The following ASIC2 variants were observed in gnomAD, a reference collection of about 807,000 sequenced individuals.
ASIC2 encodes acid sensing ion channel subunit 2.
ASIC2 carries 25 observed loss-of-function variants against 57.3 expected under a neutral mutation model. The ratio of observed to expected loss-of-function variants is 0.44; its 90% CI spans 0.32 to 0.61. The LOEUF (loss-of-function observed/expected upper bound fraction) is 0.61, where lower values mean the gene tolerates loss of function less well. Among genes scored for constraint, ASIC2 ranks in the 20% least tolerant of loss-of-function variants. The pLI is 0.06. For synonymous variants in ASIC2, 319 were observed against 307.5 expected (o/e 1.04, Z -0.39); for missense variants, 641 against 738.1 (o/e 0.87, Z 1.52).
chr17:33,336,066 T>G (rs1164186683), intron 1 of ASIC2, among the ~76,000 whole-genome samples: 1 of 152,100 alleles, frequency 6.6e-6, no homozygotes, highest in Non-Finnish European at 1.5e-5. Context: ...AGAAGTGGTC[T>G]TGGAGAGTCA....
intron 1 of ASIC2, among the ~76,000 whole-genome samples, chr17:33,238,886 C>G (rs750312281): frequency 6.6e-6 from 1 of 152,180 alleles, no homozygotes; most frequent in East Asian, 1.9e-4. Context: ...TGCCTGTAAT[C>G]TTAGCTACTC....
At chr17:33,954,697 C>A (rs189990376) in intron 1 of ASIC2, among the ~76,000 whole-genome samples, 38 of 152,296 alleles carry the variant, frequency 2.5e-4, no homozygotes, top group Admixed American at 1.4e-3. Flanking sequence ...AGCTCTGCCA[C>A]GAAGCTGTGA....
intron 1 of ASIC2, chr17:34,069,309 C>CCTTT (rs148586763): frequency 0.49 from 71,348 of 145,014 alleles, 20,312 homozygotes; most frequent in Non-Finnish European, 0.63. Context: ...TTCCTTCCTT[C>CCTTT]CTTTCTTCCT....
chr17:33,503,763 C>G (rs1914169233), intron 1 of ASIC2, among the ~76,000 whole-genome samples: 1 of 152,174 alleles, frequency 6.6e-6, no homozygotes, highest in African/African-American at 2.4e-5. Context: ...ACTCCAGGAC[C>G]TTGAGAAAGC....
rs1349966578 is a variant in ASIC2 at position 33,966,406 on chromosome 17, A to T, written c.555+189572T>A. Among the ~76,000 whole-genome samples, 4 of 152,328 alleles carry T rather than the reference A, an allele frequency of 2.6e-5. No homozygotes were observed. In the East Asian group the frequency reaches 7.7e-4, roughly 29 times the overall value. ...ATGGAAATATCACTATTCCATGGAGAATCCTATGAGGATTAAAAGGAGATA... is the reference window on the plus strand; with the variant it reads ...ATGGAAATATCACTATTCCATGGAGTATCCTATGAGGATTAAAAGGAGATA... On this transcript the variant is annotated intron_variant, in intron 1 of 9. Transcript: ENST00000359872.
chr17:33,243,062 C>T (rs925996540), intron 1 of ASIC2, among the ~76,000 whole-genome samples: 1 of 152,232 alleles, frequency 6.6e-6, no homozygotes, highest in Non-Finnish European at 1.5e-5. Flanking sequence ...ACATCTTCCA[C>T]ACTCACACAC....
chr17:33,322,838 C>G (rs1906922881), intron 1 of ASIC2, among the ~76,000 whole-genome samples: 1 of 151,964 alleles, frequency 6.6e-6, no homozygotes, highest in South Asian at 2.1e-4. Context: ...GGAGGTAGTA[C>G]TTGAATAGCA....
chr17:33,909,621 G>A (rs1256134195), intron 1 of ASIC2, among the ~76,000 whole-genome samples: 1 of 152,210 alleles, frequency 6.6e-6, no homozygotes, highest in Non-Finnish European at 1.5e-5. Context: ...AGGTACATGT[G>A]CCCTGGAGTC....
chr17:33,083,605 T>A lies in ASIC2; in HGVS notation c.987+5258A>T, dbSNP rs113909715. ...GACCTTTGGGTGGTATCTGGAGGTG[T>A]GAATAGGCCTTTGCCAGGTAGATGA... On this transcript the variant is annotated intron_variant, in intron 3 of 9. Transcript: ENST00000225823. Among the ~76,000 whole-genome samples, 495 of 152,144 alleles carry A rather than the reference T, an allele frequency of 3.3e-3. 4 individuals are homozygous for A. The highest frequency in any genetic ancestry group is 0.011 in the African/African-American group (475 of 41,492).
rs1264412529 is a variant in ASIC2 at position 33,016,159 on chromosome 17, T to C, written c.1522-120A>G. 3.5e-6 allele frequency: 3 copies of C among 854,996 alleles called. No homozygotes were observed. The East Asian group carries it at 7.7e-5, about 22-fold the overall frequency. The allele number at this position is 854,996 out of a possible 1,614,324, so 53.0% of individuals were successfully genotyped here. On this transcript the variant is annotated intron_variant, in intron 8 of 9. Transcript: ENST00000225823. ...GCTTGGGCTGTGGCTGAACATACCG[T>C]AGCACAAGCCCAGCCTGGCAGCCAG...
At chr17:33,341,748 G>A (rs1421253443) in intron 1 of ASIC2, among the ~76,000 whole-genome samples, 1 of 152,208 alleles carries the variant, frequency 6.6e-6, no homozygotes, top group Non-Finnish European at 1.5e-5. Flanking sequence ...ATACTTGGAT[G>A]TCTCATTCTA....
chr17:33,681,954 T>C (rs1445435961), intron 1 of ASIC2, among the ~76,000 whole-genome samples: 4 of 152,088 alleles, frequency 2.6e-5, no homozygotes. Flanking sequence ...TTTCTGCCCC[T>C]CACTTTCTCA....
intron 1 of ASIC2, among the ~76,000 whole-genome samples, chr17:33,573,411 C>T (rs1916513506): frequency 6.6e-6 from 1 of 152,170 alleles, no homozygotes; most frequent in Admixed American, 6.5e-5. Flanking sequence ...TGTGACTCTC[C>T]TAGATCCAAC....
intron 1 of ASIC2, among the ~76,000 whole-genome samples, chr17:33,404,425 A>G (rs1273758625): frequency 2.0e-5 from 3 of 152,268 alleles, no homozygotes; most frequent in Admixed American, 2.0e-4. Flanking sequence ...GGCTCAGACA[A>G]CACTTTCAGG....
intron 1 of ASIC2, among the ~76,000 whole-genome samples, chr17:33,886,789 C>G: frequency 6.6e-6 from 1 of 151,798 alleles, no homozygotes; most frequent in East Asian, 1.9e-4. Context: ...TCCCTTGAAA[C>G]AGCAGTATTG....
intron 1 of ASIC2, among the ~76,000 whole-genome samples, chr17:33,736,278 C>T (rs964264472): frequency 1.3e-5 from 2 of 151,898 alleles, no homozygotes; most frequent in Non-Finnish European, 2.9e-5. Flanking sequence ...AAAGTGGGGT[C>T]TTGGTGGGTC....
intron 1 of ASIC2, among the ~76,000 whole-genome samples, chr17:33,731,480 C>A (rs981201312): frequency 6.6e-6 from 1 of 152,094 alleles, no homozygotes; most frequent in African/African-American, 2.4e-5. Context: ...TGTCTTTCAC[C>A]TAAGGTCCAT....
At chr17:33,583,919 T>A (rs895585546) in intron 1 of ASIC2, among the ~76,000 whole-genome samples, 1 of 152,080 alleles carries the variant, frequency 6.6e-6, no homozygotes, top group South Asian at 2.1e-4. Context: ...AGTGTGTAGG[T>A]CCCAGGCAGA....
intron 1 of ASIC2, among the ~76,000 whole-genome samples, chr17:33,848,262 C>A (rs917541961): frequency 6.6e-6 from 1 of 152,124 alleles, no homozygotes; most frequent in African/African-American, 2.4e-5. Context: ...ACATTTCATC[C>A]TTGCCAATAA....
Sources: allele counts gnomAD v4.1 joint callset (sites outside exome capture counted in the v4.1 genomes callset), GRCh38; gene constraint gnomAD v4.1.1; transcripts MANE v1.5; gene names NCBI Gene and HGNC (gene_info 2026-07-23, HGNC 2026-07-21).